RNF111: variants seen among roughly 807,000 people sequenced by gnomAD.
The protein encoded by RNF111 is ring finger protein 111.
Under a neutral mutation model 95.1 loss-of-function variants are expected in RNF111, and 17 were observed. The observed-to-expected ratio is 0.18, with a 90% CI of 0.12 to 0.27. The LOEUF (loss-of-function observed/expected upper bound fraction) is 0.27, where lower values mean the gene tolerates loss of function less well. Among genes scored for constraint, RNF111 ranks in the 10% least tolerant of loss-of-function variants. The probability of loss-of-function intolerance (pLI) is 1.00; values close to 1 mark genes in which losing one functional copy is unlikely to be tolerated. For missense variants in RNF111, 1,189 were observed against 1,210.4 expected (o/e 0.98, Z 0.26); for synonymous variants, 440 against 414.8 (o/e 1.06, Z -0.74).
At chr15:59,009,029 G>A (rs2039669481) in intron 1 of RNF111, among the ~76,000 whole-genome samples, 2 of 151,896 alleles carry the variant, frequency 1.3e-5, no homozygotes, top group African/African-American at 2.4e-5. Context: ...GCACAATCTT[G>A]GCTCACTGCA....
chr15:58,996,448 G>C (rs1369165409), intron 1 of RNF111, among the ~76,000 whole-genome samples: 1 of 151,838 alleles, frequency 6.6e-6, no homozygotes, highest in South Asian at 2.1e-4. Flanking sequence ...AAGTGGGGTG[G>C]TGCATGCCTG....
At chr15:59,003,708 C>G (rs2039423726) in intron 1 of RNF111, among the ~76,000 whole-genome samples, 1 of 152,218 alleles carries the variant, frequency 6.6e-6, no homozygotes, top group Non-Finnish European at 1.5e-5. Context: ...GGCGTATTTT[C>G]TTAATAGCAC....
chr15:59,093,769 A>T (rs1039544757), intron 13 of RNF111, among the ~76,000 whole-genome samples: 3 of 152,272 alleles, frequency 2.0e-5, no homozygotes, highest in Admixed American at 2.0e-4. Flanking sequence ...ATTTATAAGG[A>T]TAACTTTGTC....
intron 13 of RNF111, among the ~76,000 whole-genome samples, 171 bp from the exon 14 acceptor site, chr15:59,094,612 C>T (rs1194066860): frequency 6.6e-6 from 1 of 152,018 alleles, no homozygotes; most frequent in Non-Finnish European, 1.5e-5. Context: ...TTATCTTGAT[C>T]ATTTATATAT....
chr15:59,042,440 C>T (rs1300080352), intron 2 of RNF111, among the ~76,000 whole-genome samples: 1 of 152,048 alleles, frequency 6.6e-6, no homozygotes, highest in African/African-American at 2.4e-5. Context: ...TTTTTTTTCA[C>T]AAGTCATATT....
intron 1 of RNF111, among the ~76,000 whole-genome samples, chr15:58,994,537 G>T (rs1232565780): frequency 7.5e-6 from 1 of 133,988 alleles, no homozygotes; most frequent in South Asian, 2.3e-4. Context: ...GAGTGCAGCA[G>T]TGTGATCTCG....
At chr15:59,034,341 A>G (rs7163736) in intron 2 of RNF111, among the ~76,000 whole-genome samples, 9,801 of 152,292 alleles carry the variant, frequency 0.064, 1,102 homozygotes, top group African/African-American at 0.22. Flanking sequence ...ATATGCATTG[A>G]AAATGTTGTT....
At chr15:59,074,703 T>C (rs1022891937) in intron 6 of RNF111, among the ~76,000 whole-genome samples, 3 of 152,318 alleles carry the variant, frequency 2.0e-5, no homozygotes. Flanking sequence ...CAGTTTCTTA[T>C]CATTTGTGTG....
At chr15:59,014,512 T>C (rs1394243729) in intron 1 of RNF111, among the ~76,000 whole-genome samples, 12 of 152,206 alleles carry the variant, frequency 7.9e-5, no homozygotes. Flanking sequence ...ACTTTTCTGC[T>C]GTGGAATTAT....
At chr15:59,003,847 G>T (rs1380320898) in intron 1 of RNF111, among the ~76,000 whole-genome samples, 1 of 152,148 alleles carries the variant, frequency 6.6e-6, no homozygotes, top group African/African-American at 2.4e-5. Flanking sequence ...CTCATTATAG[G>T]CTTTCAATAA....
At chr15:59,056,278 T>G (rs1254354577) in intron 4 of RNF111, among the ~76,000 whole-genome samples, 1 of 152,176 alleles carries the variant, frequency 6.6e-6, no homozygotes, top group Non-Finnish European at 1.5e-5. Context: ...CCTTCAATAT[T>G]ATCGGTACCT....
intron 3 of RNF111, among the ~76,000 whole-genome samples, chr15:59,053,721 G>T (rs1385326404): frequency 6.6e-6 from 1 of 152,068 alleles, no homozygotes; most frequent in Non-Finnish European, 1.5e-5. Flanking sequence ...GAGCTGTAAG[G>T]ACTACTGAAA....
At chr15:59,054,759 T>C (rs576549331) in intron 3 of RNF111, among the ~76,000 whole-genome samples, 1 of 152,300 alleles carries the variant, frequency 6.6e-6, no homozygotes, top group South Asian at 2.1e-4. Flanking sequence ...TTTGGAGTTC[T>C]CTTCTTAGTG....
chr15:59,083,609 G>GA (rs1405430135), intron 8 of RNF111, among the ~76,000 whole-genome samples: 6 of 148,928 alleles, frequency 4.0e-5, no homozygotes, highest in Non-Finnish European at 7.4e-5. Flanking sequence ...CATGTGTTTT[G>GA]AAAAAAAATG....
chr15:59,049,994 A>G (rs1270311405), intron 2 of RNF111, among the ~76,000 whole-genome samples: 1 of 146,772 alleles, frequency 6.8e-6, no homozygotes, highest in East Asian at 2.0e-4. Flanking sequence ...CCTGCCTCAG[A>G]CTCCCAAAGT....
intron 1 of RNF111, among the ~76,000 whole-genome samples, chr15:58,997,885 T>G (rs1434136682): frequency 6.6e-6 from 1 of 151,892 alleles, no homozygotes; most frequent in African/African-American, 2.4e-5. Flanking sequence ...TGTATGTGTT[T>G]TTTTTGTTTT....
chr15:58,992,800 A>G (rs2038877423), intron 1 of RNF111, among the ~76,000 whole-genome samples: 1 of 152,156 alleles, frequency 6.6e-6, no homozygotes, highest in South Asian at 2.1e-4. Context: ...AGCCTCGGTG[A>G]CAAAGCCAGA....
chr15:59,054,995 T>G (rs2042145881), intron 3 of RNF111, among the ~76,000 whole-genome samples: 1 of 152,222 alleles, frequency 6.6e-6, no homozygotes, highest in Non-Finnish European at 1.5e-5. Context: ...AGTGAGTCCT[T>G]CAAAGTATAT....
intron 1 of RNF111, among the ~76,000 whole-genome samples, chr15:59,011,317 C>T (rs1172620406): frequency 6.6e-6 from 1 of 152,148 alleles, no homozygotes; most frequent in African/African-American, 2.4e-5. Flanking sequence ...TTTTGATTAC[C>T]TAGTGATATT....
Sources: allele counts gnomAD v4.1 joint callset (sites outside exome capture counted in the v4.1 genomes callset), GRCh38; gene constraint gnomAD v4.1.1; transcripts MANE v1.5; gene names NCBI Gene and HGNC (gene_info 2026-07-23, HGNC 2026-07-21).